The following PRKAA2 variants were observed in gnomAD, a reference collection of about 807,000 sequenced individuals.
PRKAA2 encodes the protein 5'-AMP-activated protein kinase catalytic subunit alpha-2.
In PRKAA2, 40 loss-of-function variants were observed where a neutral mutation model predicts 56.3. That is an observed-to-expected ratio of 0.71 (90% CI 0.55 to 0.92). PRKAA2 has a LOEUF of 0.92. Ranked by LOEUF, PRKAA2 falls within the 40% of genes least tolerant of loss-of-function variation. The pLI is 0.00. For synonymous variants in PRKAA2, 214 were observed against 234.2 expected (o/e 0.91, Z 0.79); for missense variants, 542 against 686.9 (o/e 0.79, Z 2.36).
chr1:56,648,615 T>C (rs1285160195), intron 1 of PRKAA2, among the ~76,000 whole-genome samples: 5 of 152,230 alleles, frequency 3.3e-5, no homozygotes, highest in African/African-American at 1.2e-4. Context: ...GTTTTACTTT[T>C]TGAGAAACTG....
At position 56,696,033 on chromosome 1, in the gene PRKAA2, C is replaced by T. The variant is rs748011810; in HGVS notation, c.662C>T (p.Thr221Met). The change falls in exon 6 of 9, where the codon ACG (threonine) becomes ATG (methionine). Residue 221 changes from threonine (T) to methionine (M), a missense_variant. Physicochemically the swap from Thr to Met is moderately conservative, Grantham distance 81 (BLOSUM62 -1). This residue lies in a region of PRKAA2 where 198 missense variants were observed against 234.0 expected (regional missense o/e 0.85). Transcript: ENST00000371244. ...CCATTTGATGATGAGCATGTACCTA[C>T]GTTATTTAAGAAGATCCGAGGGGGT... ...TLPFDDEHVP[T>M]LFKKIRGGVF... is the part of the protein sequence containing the mutation. 17 of 1,612,194 alleles carry T rather than the reference C, an allele frequency of 1.1e-5. No homozygotes were observed. Among genetic ancestry groups the T allele is most frequent in the Middle Eastern group, 1.7e-4 (1 of 6,058 alleles).
At chr1:56,700,177 TAA>T (rs1455989394) in intron 6 of PRKAA2, among the ~76,000 whole-genome samples, 2 of 152,218 alleles carry the variant, frequency 1.3e-5, no homozygotes, top group Non-Finnish European at 2.9e-5. Flanking sequence ...TCTGATTCTG[TAA>T]AATCTGTATT....
chr1:56,667,223 G>A (rs748195455), intron 1 of PRKAA2, among the ~76,000 whole-genome samples: 5 of 152,064 alleles, frequency 3.3e-5, no homozygotes, highest in Non-Finnish European at 4.4e-5. Flanking sequence ...ATCTATGCTC[G>A]TTCCTCATTT....
intron 2 of PRKAA2, among the ~76,000 whole-genome samples, chr1:56,690,787 A>T (rs767111344): frequency 6.6e-6 from 1 of 152,138 alleles, no homozygotes; most frequent in Non-Finnish European, 1.5e-5. Context: ...AGGTCTTGCT[A>T]TGTTGCCCAG....
In PRKAA2 at chr1:56,696,138, G is replaced by A. The variant is rs1442861086; in HGVS notation, c.767G>A (p.Arg256Gln). ...MHMLQVDPLK[R>Q]ATIKDIREHE... The stretch of plus-strand genomic sequence containing the variant: ...ATGCTGCAGGTTGACCCACTGAAAC[G>A]AGCAACTATCAAAGACATAAGGTGA... The change falls in exon 6 of 9, where the codon CGA (arginine) becomes CAA (glutamine). Residue 256 changes from arginine to glutamine, a missense_variant. Arg to Gln is a conservative substitution (Grantham distance 43, BLOSUM62 1). Around this residue, in one of 5 missense-constraint regions of PRKAA2, gnomAD observed 198 missense variants for 234.0 expected, o/e 0.85. Coordinates refer to ENST00000371244, the MANE Select transcript of PRKAA2 (RefSeq NM_006252.4). 2.5e-6 allele frequency: 4 copies of A among 1,612,450 alleles called. No individual in the cohort carries two copies. The highest frequency in any genetic ancestry group is 2.2e-5 in the East Asian group (1 of 44,842).
chr1:56,677,283 CAGTT>C (rs1410142743), intron 2 of PRKAA2, among the ~76,000 whole-genome samples: 8 of 152,278 alleles, frequency 5.3e-5, no homozygotes, highest in African/African-American at 1.9e-4. Flanking sequence ...TTAACTGAAA[CAGTT>C]AGTCTCTGAC....
chr1:56,674,665 C>T (rs1269086462), intron 2 of PRKAA2, 143 bp downstream of exon 2: 2 of 549,158 alleles, frequency 3.6e-6, no homozygotes, highest in East Asian at 3.8e-5. Flanking sequence ...TTCATTTAAC[C>T]TTTATCAGTC....
intron 1 of PRKAA2, among the ~76,000 whole-genome samples, chr1:56,654,067 A>G (rs897018827): frequency 2.0e-5 from 3 of 152,130 alleles, no homozygotes; most frequent in Non-Finnish European, 2.9e-5. Context: ...GAGGCTATAC[A>G]TATATTTTCA....
At position 56,704,316 on chromosome 1, in the gene PRKAA2, C is replaced by T. The variant is rs760899675; in HGVS notation, c.1134C>T (p.Pro378=). 3 of 1,614,084 alleles carry T rather than the reference C, an allele frequency of 1.9e-6. No individual in the cohort carries two copies. Among genetic ancestry groups the T allele is most frequent in the Non-Finnish European group, 2.5e-6 (3 of 1,180,028 alleles). ...TGCCACCTCTTATAGCAGACAGCCC[C>T]AAAGCAAGATGTCCATTGGATGCAC... ...ERMPPLIADS[P]KARCPLDALN... The change falls in exon 7 of 9, where the codon CCC becomes CCT. Residue 378 remains proline, a synonymous_variant. Coordinates refer to ENST00000371244, the MANE Select transcript of PRKAA2 (RefSeq NM_006252.4).
chr1:56,698,296 C>T (rs1644272430), intron 6 of PRKAA2, among the ~76,000 whole-genome samples: 1 of 152,218 alleles, frequency 6.6e-6, no homozygotes, highest in East Asian at 1.9e-4. Context: ...TTACAAAATA[C>T]CAAGCATTCT....
At chr1:56,645,502 C>T (rs773659062) in intron 1 of PRKAA2, 21 bp downstream of exon 1, 2 of 1,456,860 alleles carry the variant, frequency 1.4e-6, no homozygotes, top group African/African-American at 1.5e-5. Context: ...CGCTCCGGAC[C>T]GCTGTGCGGG....
intron 1 of PRKAA2, among the ~76,000 whole-genome samples, chr1:56,648,879 C>T (rs1461438964): frequency 6.6e-6 from 1 of 152,050 alleles, no homozygotes; most frequent in Non-Finnish European, 1.5e-5. Context: ...CTGTTTATAT[C>T]TCTTGCTTAT....
chr1:56,653,368 T>C (rs1235156389), intron 1 of PRKAA2, among the ~76,000 whole-genome samples: 1 of 151,890 alleles, frequency 6.6e-6, no homozygotes, highest in Non-Finnish European at 1.5e-5. Context: ...TTTCAAAGGG[T>C]ATTTTAAATA....
rs752842791 is a variant in PRKAA2 at position 56,697,012 on chromosome 1, A to ATTTTTTTTTTTTTTTTTTTT, written c.788+868_788+869insTTTTTTTTTTTTTTTTTTTT. On this transcript the variant is annotated intron_variant, in intron 6 of 8. Coordinates refer to ENST00000371244, the MANE Select transcript of PRKAA2 (RefSeq NM_006252.4). Reference sequence around the variant, plus strand: ...CCTTTTCATCATTAGCCAGCAAAGAATTTTTTTTTTTTTTTAAGGCAGGGT... The same window carrying ATTTTTTTTTTTTTTTTTTTT: ...CCTTTTCATCATTAGCCAGCAAAGAATTTTTTTTTTTTTTTTTTTTTTTTTTTTTTTTTTTAAGGCAGGGT... Among the ~76,000 whole-genome samples the ATTTTTTTTTTTTTTTTTTTT allele has an allele frequency of 9.4e-3, 544 of 57,870 alleles. 166 individuals are homozygous for ATTTTTTTTTTTTTTTTTTTT. The highest frequency in any genetic ancestry group is 0.015 in the African/African-American group (226 of 14,822). 38.0% of individuals were successfully genotyped at this position (57,870 alleles called of 152,430 possible).
At chr1:56,693,325 C>T (rs1004698961) in intron 4 of PRKAA2, among the ~76,000 whole-genome samples, 1 of 152,086 alleles carries the variant, frequency 6.6e-6, no homozygotes, top group South Asian at 2.1e-4. Context: ...ACTTTTGGAA[C>T]ATAATCTCTT....
chr1:56,713,386 T>C lies in PRKAA2; in HGVS notation c.*5673T>C, dbSNP rs1456913435. ...TGCCAGTTTGCAGTTGTGACTATGA[T>C]GTGACTTTTGGTAAAAATGGTTTAT... On this transcript the variant is annotated 3_prime_UTR_variant, in exon 9 of 9. Coordinates refer to ENST00000371244, the MANE Select transcript of PRKAA2 (RefSeq NM_006252.4). The C allele has an allele frequency of 1.3e-5, 2 of 152,190 alleles. No homozygotes were observed. Among genetic ancestry groups the C allele is most frequent in the African/African-American group, 4.8e-5 (2 of 41,456 alleles). 9.4% of individuals were successfully genotyped at this position (152,190 alleles called of 1,614,324 possible).
Position 56,682,801 on chromosome 1 carries a change from A to G in PRKAA2, c.236+8279A>G, listed in dbSNP as rs762961692. 8.7e-4 allele frequency among the ~76,000 whole-genome samples: 132 copies of G among 152,326 alleles called. No individual in the cohort carries two copies. In the Middle Eastern group the frequency reaches 0.017, roughly 20 times the overall value. Reference sequence around the variant, plus strand: ...ATTAGTGTTGGCTAATACAGTAGCCAGTGGCCACATGTGGCTGTGTAAATT... The same window carrying G: ...ATTAGTGTTGGCTAATACAGTAGCCGGTGGCCACATGTGGCTGTGTAAATT... On this transcript the variant is annotated intron_variant, in intron 2 of 8. Transcript: ENST00000371244.
chr1:56,645,696 G>A (rs1270344176), intron 1 of PRKAA2, among the ~76,000 whole-genome samples: 1 of 152,058 alleles, frequency 6.6e-6, no homozygotes, highest in Non-Finnish European at 1.5e-5. Context: ...GAGGGCGGGG[G>A]TGTGAGCTGA....
In PRKAA2 at chr1:56,712,363, A is replaced by C. The variant is rs1439388338; in HGVS notation, c.*4650A>C. 6.6e-6 allele frequency: 1 copy of C among 152,196 alleles called. No homozygotes were observed. The highest frequency in any genetic ancestry group is 1.5e-5 in the Non-Finnish European group (1 of 68,034). The allele number at this position is 152,196 out of a possible 1,614,324, so 9.4% of individuals were successfully genotyped here. On this transcript the variant is annotated 3_prime_UTR_variant, in exon 9 of 9. Coordinates refer to ENST00000371244, the MANE Select transcript of PRKAA2 (RefSeq NM_006252.4). The stretch of plus-strand genomic sequence containing the variant: ...CTTAGAGTGACATAAAGTAGTCTTA[A>C]ATAAATAGTTCTTAGTTTATTTTAA...
Sources: allele counts gnomAD v4.1 joint callset (sites outside exome capture counted in the v4.1 genomes callset), GRCh38; gene constraint gnomAD v4.1.1; regional missense constraint gnomAD v4.1.1; transcripts MANE v1.5; gene names NCBI Gene and HGNC (gene_info 2026-07-23, HGNC 2026-07-21).